MAP4: variants seen among roughly 807,000 people sequenced by gnomAD.
MAP4 encodes the protein microtubule-associated protein 4.
A neutral mutation model predicts 170.2 loss-of-function variants in MAP4; 76 were observed. That is an observed-to-expected ratio of 0.45 (90% CI 0.37 to 0.54). The LOEUF (loss-of-function observed/expected upper bound fraction) is 0.54. Among genes scored for constraint, MAP4 ranks in the 20% least tolerant of loss-of-function variants. MAP4 has a pLI of 0.00. For missense variants in MAP4, 2,506 were observed against 2,748.0 expected, an observed-to-expected ratio of 0.91 and a Z score of 1.97; for synonymous variants, 909 against 994.5, an observed-to-expected ratio of 0.91 and a Z score of 1.62.
In MAP4 at chr3:47,911,939, C is replaced by T. The variant is rs1263460552; in HGVS notation, c.2482G>A (p.Gly828Arg). The T allele has an allele frequency of 2.0e-6, 3 of 1,536,076 alleles. No homozygotes were observed. Among genetic ancestry groups the T allele is most frequent in the Non-Finnish European group, 8.7e-7 (1 of 1,146,900 alleles). The change falls in exon 9 of 21, where the codon GGA becomes AGA. Residue 828 changes from glycine (G) to arginine (R), a missense_variant. Coordinates refer to ENST00000683076, the MANE Select transcript of MAP4 (RefSeq NM_001385682.1). The surrounding 1 kb of genome is among the most constrained non-coding windows in gnomAD (Gnocchi z 4.0). ...TMGTEYGLVS[G>R]ENLKRECLVN... Reference sequence around the variant, plus strand: ...AAACATTCCCTTTTCAAGTTTTCTCCAGATACAAGTCCATATTCTGTACCC... The same window carrying T: ...AAACATTCCCTTTTCAAGTTTTCTCTAGATACAAGTCCATATTCTGTACCC...
chr3:47,908,967 C>G, intron 9 of MAP4, 71 bp downstream of exon 9: 1 of 1,482,776 alleles, frequency 6.7e-7, no homozygotes, highest in Non-Finnish European at 9.1e-7. Context: ...AGCCAAGACA[C>G]AAGCTCTTTG....
intron 2 of MAP4, among the ~76,000 whole-genome samples, chr3:47,984,901 G>A (rs1051708346): frequency 6.6e-6 from 1 of 151,776 alleles, no homozygotes. Flanking sequence ...CCCAGAAGGC[G>A]GAGGTTGCAG....
intron 1 of MAP4, among the ~76,000 whole-genome samples, chr3:48,060,858 T>A (rs897110461): frequency 5.9e-5 from 9 of 152,326 alleles, no homozygotes; most frequent in African/African-American, 1.9e-4. Flanking sequence ...TAACTTTTTT[T>A]ATTTTTGAGA....
chr3:48,044,117 T>A (rs1365402687), intron 1 of MAP4, among the ~76,000 whole-genome samples: 1 of 150,844 alleles, frequency 6.6e-6, no homozygotes, highest in Non-Finnish European at 1.5e-5. Flanking sequence ...GTGCTGGGAG[T>A]ACAGGCGTGA....
intron 2 of MAP4, among the ~76,000 whole-genome samples, chr3:47,994,198 C>T (rs1241470359): frequency 6.6e-6 from 1 of 151,998 alleles, no homozygotes; most frequent in Non-Finnish European, 1.5e-5. Flanking sequence ...ACCTATAATC[C>T]CAGCACAAAA....
At chr3:47,944,453 G>A (rs1346569805) in intron 3 of MAP4, among the ~76,000 whole-genome samples, 2 of 151,972 alleles carry the variant, frequency 1.3e-5, no homozygotes, top group African/African-American at 4.8e-5. Flanking sequence ...TATGACTGCT[G>A]TTTCCTCTAC....
chr3:47,990,364 G>A (rs1295596337), intron 2 of MAP4, among the ~76,000 whole-genome samples: 5 of 152,176 alleles, frequency 3.3e-5, no homozygotes, highest in African/African-American at 1.2e-4. Context: ...CCAGCACTAT[G>A]GGAAGTCAAG....
chr3:47,998,616 G>T lies in MAP4; in HGVS notation c.223+22C>A, dbSNP rs777659662. 197 of 1,565,478 alleles carry T rather than the reference G, an allele frequency of 1.3e-4. 1 individual carries two copies. The East Asian group carries it at 4.1e-3, about 32-fold the overall frequency. On this transcript the variant is annotated intron_variant, in intron 2 of 20. Coordinates refer to ENST00000683076, the MANE Select transcript of MAP4 (RefSeq NM_001385682.1). Reference sequence around the variant, plus strand: ...TAACCTGCTTTCTGAACATATATAAGCAGTCTGGTTTAAATACTTACCTTC... The same window carrying T: ...TAACCTGCTTTCTGAACATATATAATCAGTCTGGTTTAAATACTTACCTTC...
chr3:48,027,876 G>GT (rs1435107742), intron 1 of MAP4, among the ~76,000 whole-genome samples: 1 of 152,218 alleles, frequency 6.6e-6, no homozygotes, highest in Admixed American at 6.5e-5. Context: ...CCATGACTAT[G>GT]TATTTCCACT....
At chr3:47,998,051 G>A (rs2100096941) in intron 2 of MAP4, among the ~76,000 whole-genome samples, 2 of 152,188 alleles carry the variant, frequency 1.3e-5, no homozygotes, top group Admixed American at 6.6e-5. Flanking sequence ...CTAGAAAAGA[G>A]AAAGAAGGGA....
rs575261265 is a variant in MAP4, at chr3:48,006,373, T to C, written c.-19-7494A>G. 9.2e-5 allele frequency among the ~76,000 whole-genome samples: 14 copies of C among 152,286 alleles called. No homozygotes were observed. The South Asian group carries it at 2.7e-3, about 29-fold the overall frequency. ...TGGGCTGATGATGACTCCAGGGGACTTAAAACATCACTGTGGTCTTCCAGT... is the reference window on the plus strand; with the variant it reads ...TGGGCTGATGATGACTCCAGGGGACCTAAAACATCACTGTGGTCTTCCAGT... On this transcript the variant is annotated intron_variant, in intron 1 of 20. Transcript: ENST00000683076.
chr3:47,865,863 G>GCACACAGGGTGTTCTT (rs2078616220), intron 17 of MAP4, among the ~76,000 whole-genome samples: 1 of 152,194 alleles, frequency 6.6e-6, no homozygotes, highest in Non-Finnish European at 1.5e-5. Flanking sequence ...CAAGCGGAAA[G>GCACACAGGGTGTTCTT]CACACAGGGT....
chr3:47,936,412 A>G (rs975723836), intron 3 of MAP4, among the ~76,000 whole-genome samples: 2 of 152,000 alleles, frequency 1.3e-5, no homozygotes, highest in African/African-American at 4.8e-5. Flanking sequence ...AGCCTGGGCA[A>G]CAGAGCAAAA....
At chr3:47,883,792 T>C (rs530029242) in intron 10 of MAP4, among the ~76,000 whole-genome samples, 2 of 152,310 alleles carry the variant, frequency 1.3e-5, no homozygotes, top group South Asian at 4.1e-4. Context: ...CCACTTCTTT[T>C]TGCATTCCCC....
At chr3:47,881,472 ATATATATATATATATATATATAT>A (rs2096727411) in intron 10 of MAP4, among the ~76,000 whole-genome samples, 3 of 109,400 alleles carry the variant, frequency 2.7e-5, no homozygotes, top group East Asian at 5.9e-4. Context: ...ATATATATAT[ATATATATATATATATATATATAT>A]ATGCATAATC....
At chr3:47,961,352 C>G (rs1464709361) in intron 3 of MAP4, among the ~76,000 whole-genome samples, 4 of 152,168 alleles carry the variant, frequency 2.6e-5, no homozygotes, top group African/African-American at 9.7e-5. Flanking sequence ...AACAAACAAA[C>G]AAACAAAAAT....
intron 2 of MAP4, among the ~76,000 whole-genome samples, chr3:47,983,928 A>T (rs2100086977): frequency 6.6e-6 from 1 of 152,212 alleles, no homozygotes; most frequent in Admixed American, 6.5e-5. Flanking sequence ...CCTCTGACAC[A>T]CTATCTCTGT....
In MAP4 at chr3:47,874,687, T is replaced by C. The variant is rs924886642; in HGVS notation, c.5757+998A>G. Among the ~76,000 whole-genome samples, 15 of 152,274 alleles carry C rather than the reference T, an allele frequency of 9.9e-5. 1 individual carries two copies. Among genetic ancestry groups the C allele is most frequent in the African/African-American group, 1.7e-4 (7 of 41,554 alleles). On this transcript the variant is annotated intron_variant, in intron 12 of 20. Transcript: ENST00000683076. The stretch of plus-strand genomic sequence containing the variant: ...GCCCTCTTATTCAAACCTATTGTTT[T>C]CTAAAGATCAAGAAAAGCAACCAAC...
chr3:47,960,983 T>G (rs1325189745), intron 3 of MAP4: 1 of 160,280 alleles, frequency 6.2e-6, no homozygotes, highest in African/African-American at 2.4e-5. Flanking sequence ...GTTTTTCTAC[T>G]TCGCCATTTT....
Sources: allele counts gnomAD v4.1 joint callset (sites outside exome capture counted in the v4.1 genomes callset), GRCh38; gene constraint gnomAD v4.1.1; non-coding constraint Gnocchi (gnomAD v3.1); transcripts MANE v1.5; gene names NCBI Gene and HGNC (gene_info 2026-07-23, HGNC 2026-07-21).